L3MBTL1: variants seen among roughly 807,000 people sequenced by gnomAD.
L3MBTL1 encodes the protein L3MBTL histone methyl-lysine binding protein 1, also known as lethal(3)malignant brain tumor-like protein 1.
In L3MBTL1, 75 loss-of-function variants were observed where a neutral mutation model predicts 105.3. That is an observed-to-expected ratio of 0.71 (90% CI 0.59 to 0.86). The LOEUF (loss-of-function observed/expected upper bound fraction) is 0.86, where lower values mean the gene tolerates loss of function less well. L3MBTL1 is among the 40% of genes least tolerant of loss of function. The pLI, the probability that L3MBTL1 is intolerant of heterozygous loss-of-function variation, is 0.00. For synonymous variants in L3MBTL1, 452 were observed against 436.2 expected, an observed-to-expected ratio of 1.04 and a Z score of -0.45; for missense variants, 1,069 against 1,126.4, an observed-to-expected ratio of 0.95 and a Z score of 0.73.
At chr20:43,513,725 C>T (rs2018204416) in intron 2 of L3MBTL1, 86 bp downstream of exon 2, 3 of 1,538,120 alleles carry the variant, frequency 2.0e-6, no homozygotes, top group Non-Finnish European at 1.8e-6. Context: ...AGGGGATGAC[C>T]GTTTTCACTG....
intron 2 of L3MBTL1, 28 bp downstream of exon 2, chr20:43,513,667 G>C: frequency 6.4e-7 from 1 of 1,550,518 alleles, no homozygotes; most frequent in Non-Finnish European, 8.7e-7. Context: ...AGGAGTCTGG[G>C]AAGGAAGAGC....
intron 11 of L3MBTL1, chr20:43,532,088 C>T (rs2285185): frequency 0.21 from 31,416 of 152,212 alleles, 3,554 homozygotes; most frequent in African/African-American, 0.29. Context: ...CCCAGGACTC[C>T]ACCATGCTCT....
At chr20:43,529,470 A>G (rs2019213499) in intron 9 of L3MBTL1, 102 bp downstream of exon 9, 1 of 806,576 alleles carries the variant, frequency 1.2e-6, no homozygotes, top group African/African-American at 1.7e-5. Flanking sequence ...CCCTCAGAGC[A>G]CACACAATCT....
Position 43,528,113 on chromosome 20 carries a change from G to A in L3MBTL1, c.863-544G>A, listed in dbSNP as rs1307430912. Among the ~76,000 whole-genome samples, 7 of 151,940 alleles carry A rather than the reference G, an allele frequency of 4.6e-5. No individual in the cohort carries two copies. The East Asian group carries it at 5.8e-4, about 13-fold the overall frequency. On this transcript the variant is annotated intron_variant, in intron 7 of 21. Transcript: ENST00000418998. ...TCACCATGTTGGCCAGGCTGGTCTC[G>A]AACTCCTGACCTCAAGTGATTCACC...
At chr20:43,528,910 A>G (rs1459136622) in intron 8 of L3MBTL1, 165 bp downstream of exon 8, 18 of 632,058 alleles carry the variant, frequency 2.8e-5, no homozygotes, top group Non-Finnish European at 1.1e-5. Context: ...AGGGCCCCCC[A>G]TAAGGGGCTG....
intron 2 of L3MBTL1, 48 bp from the exon 3 acceptor site, chr20:43,513,790 G>A (rs1198678338): frequency 6.5e-7 from 1 of 1,542,090 alleles, no homozygotes; most frequent in Admixed American, 2.0e-5. Context: ...ATTGAGGTAG[G>A]GCCACTAGAC....
At chr20:43,526,347 C>G (rs2019031936) in intron 7 of L3MBTL1, among the ~76,000 whole-genome samples, 1 of 151,996 alleles carries the variant, frequency 6.6e-6, no homozygotes, top group Admixed American at 6.6e-5. Context: ...ATGTGGAATC[C>G]CAGTGGCAAG....
intron 18 of L3MBTL1, among the ~76,000 whole-genome samples, chr20:43,547,862 G>A (rs552652817): frequency 6.6e-6 from 1 of 152,272 alleles, no homozygotes; most frequent in South Asian, 2.1e-4. Flanking sequence ...GTGTGAACAC[G>A]GGGAAACCAG....
In L3MBTL1 at chr20:43,541,372, T is replaced by C; in HGVS notation, c.*244T>C. 1 of 645,088 alleles carries C rather than the reference T, an allele frequency of 1.6e-6. No individual in the cohort carries two copies. Among genetic ancestry groups the C allele is most frequent in the Non-Finnish European group, 2.4e-6 (1 of 412,492 alleles). The allele number at this position is 645,088 out of a possible 1,614,324, so 40.0% of individuals were successfully genotyped here. A position where few individuals can be genotyped will look rare whatever the true frequency, so the allele number is the denominator to read the frequency against. On this transcript the variant is annotated 3_prime_UTR_variant, in exon 22 of 22. Coordinates refer to ENST00000418998, the MANE Select transcript of L3MBTL1 (RefSeq NM_001377303.1). ...CATCTTCTTGTCTGTAAAATGGAGA[T>C]AAAATGGGTTTAATGAGGTCTACCT...
At position 43,528,714 on chromosome 20, in the gene L3MBTL1, C is replaced by G. The variant is rs1006541433; in HGVS notation, c.920C>G (p.Ala307Gly). 1.2e-6 allele frequency: 2 copies of G among 1,613,750 alleles called. No individual in the cohort carries two copies. Among genetic ancestry groups the G allele is most frequent in the Non-Finnish European group, 8.5e-7 (1 of 1,179,644 alleles). The change falls in exon 8 of 22, where the codon GCC becomes GGC. Residue 307 changes from alanine (A) to glycine (G), a missense_variant. Physicochemically the swap from Ala to Gly is moderately conservative, Grantham distance 60. Transcript: ENST00000418998. ...GAGTCCTACCTAGAGGAGCAGAAGG[C>G]CATTACTGCTCCAGTCAGCCTCTTC... ...SWESYLEEQK[A>G]ITAPVSLFQD...
chr20:43,540,906 T>G (rs2019881140), intron 21 of L3MBTL1, 28 bp from the exon 22 acceptor site: 1 of 1,613,290 alleles, frequency 6.2e-7, no homozygotes, highest in South Asian at 1.1e-5. Flanking sequence ...TCACTTCTGC[T>G]AAGGAGGGAC....
chr20:43,546,222 G>T (rs1978589384), downstream of L3MBTL1, among the ~76,000 whole-genome samples: 1 of 152,246 alleles, frequency 6.6e-6, no homozygotes, highest in South Asian at 2.1e-4. Flanking sequence ...AGTTATTGGG[G>T]AAGGGTCTGT....
At chr20:43,508,463 T>C (rs2018045524) in intron 1 of L3MBTL1, among the ~76,000 whole-genome samples, 1 of 152,204 alleles carries the variant, frequency 6.6e-6, no homozygotes, top group South Asian at 2.1e-4. Context: ...TGTGTGTTGT[T>C]TTCTGGGTAG....
chr20:43,515,190 T>A, intron 5 of L3MBTL1, 31 bp downstream of exon 5: 1 of 1,614,098 alleles, frequency 6.2e-7, no homozygotes, highest in Non-Finnish European at 8.5e-7. Flanking sequence ...CCCTACTTGC[T>A]CTACCTTCAG....
exon 19 of L3MBTL1, chr20:43,548,191 G>A (rs1008368415): frequency 7.7e-7 from 1 of 1,304,296 alleles, no homozygotes; most frequent in Non-Finnish European, 1.0e-6. Context: ...GCCCAGCCTT[G>A]AAGATCTATA....
chr20:43,514,605 T>C, intron 3 of L3MBTL1, 30 bp from the exon 4 acceptor site: 1 of 1,596,608 alleles, frequency 6.3e-7, no homozygotes. Flanking sequence ...CGTACGGGAG[T>C]CGCAATCCTC....
chr20:43,519,072 G>T lies in L3MBTL1; in HGVS notation c.862+2895G>T, dbSNP rs562102716. Among the ~76,000 whole-genome samples, 6 of 151,276 alleles carry T rather than the reference G, an allele frequency of 4.0e-5. No individual in the cohort carries two copies. In the South Asian group the frequency reaches 1.3e-3, roughly 32 times the overall value. On this transcript the variant is annotated intron_variant, in intron 7 of 21. Transcript: ENST00000418998. ...AAGAATACACTTTAAGGCTAGGCATGGTCCCTGTAATCCCAGCACTTTGGG... is the reference window on the plus strand; with the variant it reads ...AAGAATACACTTTAAGGCTAGGCATTGTCCCTGTAATCCCAGCACTTTGGG...
At chr20:43,539,834 C>G (rs959168539) in intron 19 of L3MBTL1, 13 of 445,666 alleles carry the variant, frequency 2.9e-5, no homozygotes, top group Non-Finnish European at 8.4e-6. Context: ...AAAATTATGT[C>G]TTTAGAGATG....
At position 43,513,071 on chromosome 20, in the gene L3MBTL1, G is replaced by A. The variant is rs972188272; in HGVS notation, c.-28-405G>A. ...TCTGAATCCCCAGAGGGAGGAGGGAGTGATTCCAGTGGGGATAGAGGTGGG... is the reference window on the plus strand; with the variant it reads ...TCTGAATCCCCAGAGGGAGGAGGGAATGATTCCAGTGGGGATAGAGGTGGG... On this transcript the variant is annotated intron_variant, in intron 1 of 21. Transcript: ENST00000418998. 4.6e-5 allele frequency among the ~76,000 whole-genome samples: 7 copies of A among 152,354 alleles called. No individual in the cohort carries two copies. The East Asian group carries it at 1.3e-3, about 29-fold the overall frequency.
Sources: allele counts gnomAD v4.1 joint callset (sites outside exome capture counted in the v4.1 genomes callset), GRCh38; gene constraint gnomAD v4.1.1; transcripts MANE v1.5; gene names NCBI Gene and HGNC (gene_info 2026-07-23, HGNC 2026-07-21).